Variants in ZNF704 observed in about 807,000 individuals in gnomAD.
ZNF704 encodes zinc finger protein 704.
In ZNF704, 10 loss-of-function variants were observed where a neutral mutation model predicts 44.7. The observed-to-expected ratio is 0.22, with a 90% CI of 0.14 to 0.38. The LOEUF is 0.38. Ranked by LOEUF, ZNF704 falls within the 10% of genes least tolerant of loss-of-function variation. The pLI is 1.00. For missense variants in ZNF704, 390 were observed against 545.5 expected, an observed-to-expected ratio of 0.71 and a Z score of 2.84; for synonymous variants, 211 against 207.6, an observed-to-expected ratio of 1.02 and a Z score of -0.14.
In ZNF704 at chr8:80,636,352, T is replaced by C. The variant is rs145189302; in HGVS notation, c.*5014A>G. On this transcript the variant is annotated 3_prime_UTR_variant, in exon 9 of 9. Transcript: ENST00000327835. ...CCCATTTTGGTTCCTGGTCCTACGA[T>C]AGATATACCTTTTAAAGCATGTATA... The C allele has an allele frequency of 1.7e-4, 26 of 152,342 alleles. No individual in the cohort carries two copies. The highest frequency in any genetic ancestry group is 5.8e-4 in the African/African-American group (24 of 41,584). 9.4% of individuals were successfully genotyped at this position (152,342 alleles called of 1,614,324 possible).
At chr8:80,839,554 A>C (rs138338770) in intron 1 of ZNF704, among the ~76,000 whole-genome samples, 3 of 152,346 alleles carry the variant, frequency 2.0e-5, no homozygotes, top group East Asian at 3.9e-4. Flanking sequence ...TATTAGAATA[A>C]ATTTGCATAT....
intron 2 of ZNF704, among the ~76,000 whole-genome samples, chr8:80,742,521 G>A (rs960599684): frequency 2.0e-5 from 3 of 152,152 alleles, no homozygotes; most frequent in African/African-American, 7.2e-5. Flanking sequence ...GGCCTGTGAC[G>A]TGTGCCAAAG....
At chr8:80,753,110 A>G (rs1806975889) in intron 2 of ZNF704, among the ~76,000 whole-genome samples, 1 of 152,200 alleles carries the variant, frequency 6.6e-6, no homozygotes, top group Admixed American at 6.5e-5. Flanking sequence ...TCCAGTCTCT[A>G]AAAGCTGGCC....
Position 80,633,491 on chromosome 8 carries a change from C to T in ZNF704, c.*7875G>A, listed in dbSNP as rs1209449231. 1 of 152,112 alleles carries T rather than the reference C, an allele frequency of 6.6e-6. No individual in the cohort carries two copies. The highest frequency in any genetic ancestry group is 1.5e-5 in the Non-Finnish European group (1 of 68,040). The allele number at this position is 152,112 out of a possible 1,614,324, so 9.4% of individuals were successfully genotyped here. ...GGCTCTTTATGTCTATGCTGAAAGGCCTGGACTGAATAGATGGTTTGAGAA... is the reference window on the plus strand; with the variant it reads ...GGCTCTTTATGTCTATGCTGAAAGGTCTGGACTGAATAGATGGTTTGAGAA... On this transcript the variant is annotated 3_prime_UTR_variant, in exon 9 of 9. Transcript: ENST00000327835.
chr8:80,844,768 A>G (rs947058870), intron 1 of ZNF704, among the ~76,000 whole-genome samples: 3 of 152,146 alleles, frequency 2.0e-5, no homozygotes, highest in South Asian at 2.1e-4. Context: ...TGTAGAGACA[A>G]TCAAAAGTTA....
chr8:80,778,155 CTT>C (rs1388046429), intron 2 of ZNF704, among the ~76,000 whole-genome samples: 1 of 152,016 alleles, frequency 6.6e-6, no homozygotes, highest in African/African-American at 2.4e-5. Flanking sequence ...CTATAAGGAA[CTT>C]AAACAAATTG....
chr8:80,793,282 G>A (rs1362300932), intron 2 of ZNF704, among the ~76,000 whole-genome samples: 1 of 152,178 alleles, frequency 6.6e-6, no homozygotes, highest in Non-Finnish European at 1.5e-5. Flanking sequence ...GTGTGGAGAA[G>A]ATGATACATG....
intron 1 of ZNF704, among the ~76,000 whole-genome samples, chr8:80,850,586 GTTGTT>G (rs1236474353): frequency 1.3e-5 from 2 of 151,906 alleles, no homozygotes; most frequent in Non-Finnish European, 2.9e-5. Context: ...TATGCTTTTT[GTTGTT>G]TTATTTTGCT....
At chr8:80,679,288 G>C (rs1427199278) in intron 4 of ZNF704, among the ~76,000 whole-genome samples, 1 of 152,124 alleles carries the variant, frequency 6.6e-6, no homozygotes, top group African/African-American at 2.4e-5. Flanking sequence ...ACTTTTCAAA[G>C]TCCCCTAACT....
chr8:80,832,293 C>T (rs1808484124), intron 1 of ZNF704, among the ~76,000 whole-genome samples: 1 of 152,026 alleles, frequency 6.6e-6, no homozygotes, highest in African/African-American at 2.4e-5. Context: ...AAATTCGATG[C>T]AACTTCCTAA....
At chr8:80,642,756 A>G (rs758557474) in intron 8 of ZNF704, among the ~76,000 whole-genome samples, 1 of 152,214 alleles carries the variant, frequency 6.6e-6, no homozygotes, top group Non-Finnish European at 1.5e-5. Flanking sequence ...AGATTAATAC[A>G]ACATGGCTCC....
At chr8:80,825,809 C>G (rs1388347954) in intron 1 of ZNF704, among the ~76,000 whole-genome samples, 7 of 152,090 alleles carry the variant, frequency 4.6e-5, no homozygotes, top group Admixed American at 4.6e-4. Flanking sequence ...AACTGAACAC[C>G]CTGCTCCTGA....
intron 4 of ZNF704, among the ~76,000 whole-genome samples, chr8:80,682,141 T>A (rs1277217482): frequency 6.6e-6 from 1 of 152,222 alleles, no homozygotes; most frequent in Non-Finnish European, 1.5e-5. Flanking sequence ...AGGAATTAAG[T>A]CAGCAGAGAG....
chr8:80,750,584 C>T (rs977138233), intron 2 of ZNF704, among the ~76,000 whole-genome samples: 2 of 151,522 alleles, frequency 1.3e-5, no homozygotes, highest in Middle Eastern at 3.4e-3. Flanking sequence ...GGTGCGATCT[C>T]GGCTCACTGC....
chr8:80,847,743 C>T (rs1164891055), intron 1 of ZNF704, among the ~76,000 whole-genome samples: 1 of 152,028 alleles, frequency 6.6e-6, no homozygotes, highest in Non-Finnish European at 1.5e-5. Flanking sequence ...CAGTCTGAAG[C>T]ATTGAACCTC....
At chr8:80,806,846 G>C (rs1807998670) in intron 2 of ZNF704, among the ~76,000 whole-genome samples, 1 of 152,146 alleles carries the variant, frequency 6.6e-6, no homozygotes, top group Non-Finnish European at 1.5e-5. Context: ...TCAGCCACTG[G>C]GTCACTTTTA....
intron 2 of ZNF704, among the ~76,000 whole-genome samples, chr8:80,800,249 G>C (rs1246529923): frequency 6.6e-6 from 1 of 152,160 alleles, no homozygotes; most frequent in Admixed American, 6.5e-5. Flanking sequence ...ACATACTTCA[G>C]GATATCATCC....
chr8:80,792,494 C>T (rs1049126863), intron 2 of ZNF704, among the ~76,000 whole-genome samples: 1 of 152,162 alleles, frequency 6.6e-6, no homozygotes, highest in African/African-American at 2.4e-5. Context: ...TGAGTGTGGG[C>T]TGGCCTAGTG....
chr8:80,761,152 T>G (rs1433381742), intron 2 of ZNF704, among the ~76,000 whole-genome samples: 1 of 152,052 alleles, frequency 6.6e-6, no homozygotes, highest in Non-Finnish European at 1.5e-5. Context: ...ACTCTTCCAC[T>G]ACATGAGGAC....
Sources: allele counts gnomAD v4.1 joint callset (sites outside exome capture counted in the v4.1 genomes callset), GRCh38; gene constraint gnomAD v4.1.1; transcripts MANE v1.5; gene names NCBI Gene and HGNC (gene_info 2026-07-23, HGNC 2026-07-21).